The following GPM6A variants were observed in gnomAD, a reference collection of about 807,000 sequenced individuals.
The protein encoded by GPM6A is glycoprotein M6A, also known as neuronal membrane glycoprotein M6-a.
Under a neutral mutation model 32.1 loss-of-function variants are expected in GPM6A, and 7 were observed. The observed-to-expected ratio is 0.22, with a 90% confidence interval of 0.12 to 0.41. GPM6A has a LOEUF of 0.41. Among genes scored for constraint, GPM6A ranks in the 10% least tolerant of loss-of-function variants. The probability of loss-of-function intolerance (pLI) is 1.00; values close to 1 mark genes in which losing one functional copy is unlikely to be tolerated. For synonymous variants in GPM6A, 130 were observed against 123.4 expected (o/e 1.05, Z -0.35); for missense variants, 235 against 347.2 (o/e 0.68, Z 2.57).
At chr4:175,728,026 T>G (rs1321691894) in intron 1 of GPM6A, among the ~76,000 whole-genome samples, 1 of 149,112 alleles carries the variant, frequency 6.7e-6, no homozygotes, top group African/African-American at 2.5e-5. Context: ...AAAAAAAAAC[T>G]TACCGGTTTT....
intron 2 of GPM6A, among the ~76,000 whole-genome samples, chr4:175,699,974 T>C (rs959991610): frequency 6.6e-6 from 1 of 152,186 alleles, no homozygotes; most frequent in African/African-American, 2.4e-5. Flanking sequence ...GCGATTCTCA[T>C]ACCTCAGTCT....
At chr4:175,671,965 C>T (rs2110979242) in intron 3 of GPM6A, among the ~76,000 whole-genome samples, 1 of 139,434 alleles carries the variant, frequency 7.2e-6, no homozygotes. Context: ...GGACTGGTGA[C>T]ACAATTGTTA....
At chr4:175,957,275 T>C (rs1421359200) in intron 1 of GPM6A, among the ~76,000 whole-genome samples, 23 of 152,200 alleles carry the variant, frequency 1.5e-4, no homozygotes, top group Admixed American at 1.5e-3. Context: ...AATTCTGTGC[T>C]TCACACTAAG....
intron 1 of GPM6A, among the ~76,000 whole-genome samples, chr4:175,753,008 C>CTAGCTGACACTA (rs1732396472): frequency 6.6e-6 from 1 of 152,122 alleles, no homozygotes; most frequent in Non-Finnish European, 1.5e-5. Flanking sequence ...TATTCCCATG[C>CTAGCTGACACTA]GCTGAAACAT....
At chr4:175,873,846 T>C (rs1354546358) in intron 1 of GPM6A, among the ~76,000 whole-genome samples, 2 of 152,214 alleles carry the variant, frequency 1.3e-5, no homozygotes, top group Non-Finnish European at 1.5e-5. Flanking sequence ...CATAAAACTT[T>C]AGTGTGTCAT....
intron 1 of GPM6A, among the ~76,000 whole-genome samples, chr4:175,714,816 G>T (rs1745752407): frequency 6.6e-6 from 1 of 151,370 alleles, no homozygotes. Context: ...ATTCTGTACT[G>T]GTCAACATGA....
intron 1 of GPM6A, among the ~76,000 whole-genome samples, chr4:175,804,414 C>T (rs555742584): frequency 1.9e-4 from 29 of 152,110 alleles, no homozygotes; most frequent in Non-Finnish European, 3.5e-4. Context: ...TGTTACATGA[C>T]AATTCTTTTT....
chr4:175,917,287 C>T (rs1185001723), intron 1 of GPM6A, among the ~76,000 whole-genome samples: 1 of 152,042 alleles, frequency 6.6e-6, no homozygotes, highest in East Asian at 1.9e-4. Flanking sequence ...CTTTAAGCAT[C>T]CTGAAATTTC....
intron 1 of GPM6A, among the ~76,000 whole-genome samples, chr4:175,918,022 GAT>G (rs1157693035): frequency 6.6e-6 from 1 of 151,852 alleles, no homozygotes; most frequent in Non-Finnish European, 1.5e-5. Flanking sequence ...ATCCCATCAA[GAT>G]AAAAGAGTAA....
At chr4:175,638,223 T>A (rs1740929295) in intron 6 of GPM6A, among the ~76,000 whole-genome samples, 1 of 151,794 alleles carries the variant, frequency 6.6e-6, no homozygotes, top group South Asian at 2.1e-4. Flanking sequence ...AGAAATATTA[T>A]TAATAATAAA....
upstream of GPM6A, among the ~76,000 whole-genome samples, chr4:175,813,874 G>A (rs1735020879): frequency 6.6e-6 from 1 of 152,096 alleles, no homozygotes; most frequent in African/African-American, 2.4e-5. Context: ...AATGAATTTT[G>A]TCCAAAAATA....
intron 3 of GPM6A, among the ~76,000 whole-genome samples, chr4:175,673,213 A>T (rs1178627438): frequency 1.3e-5 from 2 of 152,134 alleles, no homozygotes; most frequent in Non-Finnish European, 2.9e-5. Flanking sequence ...GCCATTAAAT[A>T]TTATATAAAT....
intron 1 of GPM6A, among the ~76,000 whole-genome samples, chr4:175,896,465 C>G (rs1737796212): frequency 1.3e-5 from 2 of 152,102 alleles, no homozygotes; most frequent in African/African-American, 4.8e-5. Context: ...CATGTCTGCC[C>G]CCTTTGAAGC....
At chr4:175,714,147 C>T (rs1282821264) in intron 1 of GPM6A, among the ~76,000 whole-genome samples, 1 of 152,068 alleles carries the variant, frequency 6.6e-6, no homozygotes, top group African/African-American at 2.4e-5. Context: ...TCAGTTCATT[C>T]TGATACTACA....
chr4:175,826,379 C>A (rs922354032), intron 1 of GPM6A, among the ~76,000 whole-genome samples: 2 of 151,808 alleles, frequency 1.3e-5, no homozygotes, highest in African/African-American at 4.8e-5. Context: ...AAGATTGAGA[C>A]ACAAGTCTGT....
intron 1 of GPM6A, among the ~76,000 whole-genome samples, chr4:175,742,079 A>G (rs1369900859): frequency 1.3e-5 from 2 of 152,164 alleles, no homozygotes; most frequent in East Asian, 3.8e-4. Flanking sequence ...TAATTTAGAA[A>G]GTTTTTGAAA....
chr4:175,691,051 T>C (rs1744269833), intron 2 of GPM6A, among the ~76,000 whole-genome samples: 1 of 152,226 alleles, frequency 6.6e-6, no homozygotes, highest in Non-Finnish European at 1.5e-5. Flanking sequence ...AATTCTCTTC[T>C]TTGTCACAAA....
At chr4:175,799,775 C>T (rs1285004634) in intron 1 of GPM6A, among the ~76,000 whole-genome samples, 2 of 139,008 alleles carry the variant, frequency 1.4e-5, no homozygotes, top group African/African-American at 2.6e-5. Context: ...CCCGGGTTCA[C>T]GCCATTCTCC....
intron 1 of GPM6A, among the ~76,000 whole-genome samples, chr4:175,786,174 A>G (rs915313090): frequency 6.6e-6 from 1 of 152,148 alleles, no homozygotes; most frequent in Non-Finnish European, 1.5e-5. Context: ...ACTTGGAGAC[A>G]CCATGAGGAG....
Sources: gnomAD v4.1 joint callset for allele counts (sites outside exome capture counted in the v4.1 genomes callset) on GRCh38, gnomAD v4.1.1 for gene constraint, MANE v1.5 for transcripts, NCBI Gene and HGNC (gene_info 2026-07-23, HGNC 2026-07-21) for gene names.